PTPRD: variants seen among roughly 807,000 people sequenced by gnomAD.
PTPRD encodes the protein protein tyrosine phosphatase receptor type D.
A neutral mutation model predicts 214.5 loss-of-function variants in PTPRD; 34 were observed. The observed-to-expected ratio is 0.16, with a 90% confidence interval of 0.12 to 0.21. The LOEUF (loss-of-function observed/expected upper bound fraction) is 0.21. PTPRD is among the 10% of genes least tolerant of loss of function. The pLI is 1.00. For missense variants in PTPRD, 2,545 were observed against 2,398.7 expected (o/e 1.06, Z -1.27); for synonymous variants, 1,128 against 845.7 (o/e 1.33, Z -5.79).
chr9:10,346,069 A>G (rs1252624528), intron 2 of PTPRD, among the ~76,000 whole-genome samples: 1 of 152,206 alleles, frequency 6.6e-6, no homozygotes, highest in Non-Finnish European at 1.5e-5. Context: ...ATGGAATTTA[A>G]GCAATTATAT....
Position 9,804,751 on chromosome 9 carries a change from G to T in PTPRD, c.-367-37900C>A, listed in dbSNP as rs185994694. Among the ~76,000 whole-genome samples, 2 of 151,776 alleles carry T rather than the reference G, an allele frequency of 1.3e-5. 1 individual carries two copies. The highest frequency in any genetic ancestry group is 2.9e-5 in the Non-Finnish European group (2 of 67,928). On this transcript the variant is annotated intron_variant, in intron 5 of 45. Transcript: ENST00000381196. ...TTTAGCATACCATGCACTTGGTAGAGATATGAGGTGTGCTTTTTATATATA... is the reference window on the plus strand; with the variant it reads ...TTTAGCATACCATGCACTTGGTAGATATATGAGGTGTGCTTTTTATATATA...
At chr9:9,399,606 A>G (rs1258487874) in intron 8 of PTPRD, among the ~76,000 whole-genome samples, 1 of 151,954 alleles carries the variant, frequency 6.6e-6, no homozygotes, top group East Asian at 1.9e-4. Context: ...ATTCCCACAT[A>G]TTGTGGTAGA....
intron 14 of PTPRD, among the ~76,000 whole-genome samples, chr9:8,613,457 T>A (rs959484278): frequency 2.6e-5 from 4 of 152,184 alleles, no homozygotes; most frequent in African/African-American, 9.7e-5. Context: ...GCTACTGACT[T>A]ATTTTTTTTA....
chr9:9,086,892 A>G (rs1340362254), intron 10 of PTPRD, among the ~76,000 whole-genome samples: 1 of 152,188 alleles, frequency 6.6e-6, no homozygotes, highest in East Asian at 1.9e-4. Flanking sequence ...AAGGAATGAT[A>G]GTGTGTAGGT....
At chr9:9,011,976 A>G (rs2099513656) in intron 11 of PTPRD, among the ~76,000 whole-genome samples, 2 of 152,166 alleles carry the variant, frequency 1.3e-5, no homozygotes, top group African/African-American at 4.8e-5. Flanking sequence ...TACTCTCTTG[A>G]TTATGAATCA....
At chr9:9,409,009 ACTTT>A (rs974286484) in intron 8 of PTPRD, among the ~76,000 whole-genome samples, 27 of 151,990 alleles carry the variant, frequency 1.8e-4, no homozygotes, top group Admixed American at 4.6e-4. Flanking sequence ...AAGAGACTGA[ACTTT>A]CTTTCATCAA....
intron 7 of PTPRD, among the ~76,000 whole-genome samples, chr9:9,707,467 G>T (rs998624049): frequency 6.6e-6 from 1 of 152,016 alleles, no homozygotes; most frequent in Non-Finnish European, 1.5e-5. Flanking sequence ...ATTGAAAATG[G>T]CATTTGATGT....
chr9:10,589,762 A>G (rs1251467179), intron 2 of PTPRD, among the ~76,000 whole-genome samples: 1 of 152,056 alleles, frequency 6.6e-6, no homozygotes, highest in African/African-American at 2.4e-5. Flanking sequence ...TAGAATCAGG[A>G]TAAGAGGAAA....
At chr9:10,353,220 A>G (rs2097211721) in intron 2 of PTPRD, among the ~76,000 whole-genome samples, 1 of 151,960 alleles carries the variant, frequency 6.6e-6, no homozygotes, top group Admixed American at 6.6e-5. Flanking sequence ...TTCAGAGGTG[A>G]AGTTGTGGTC....
intron 2 of PTPRD, among the ~76,000 whole-genome samples, chr9:10,545,408 G>T (rs556413127): frequency 3.3e-5 from 5 of 152,066 alleles, no homozygotes; most frequent in Admixed American, 6.6e-5. Context: ...CTTTTGAAAA[G>T]GGCTATTTAC....
At chr9:8,469,495 C>G (rs115949315) in intron 31 of PTPRD, among the ~76,000 whole-genome samples, 1 of 151,830 alleles carries the variant, frequency 6.6e-6, no homozygotes, top group Non-Finnish European at 1.5e-5. Context: ...CAGCTGAGAA[C>G]CAATTAAAAT....
intron 11 of PTPRD, among the ~76,000 whole-genome samples, chr9:9,007,332 G>A (rs1430628015): frequency 6.8e-6 from 1 of 148,118 alleles, no homozygotes; most frequent in Non-Finnish European, 1.5e-5. Flanking sequence ...CCCAAAGATG[G>A]CTAAGGGTGA....
chr9:8,940,292 T>TTTTTTG (rs2099024618), intron 11 of PTPRD, among the ~76,000 whole-genome samples: 1 of 130,940 alleles, frequency 7.6e-6, no homozygotes. Context: ...TTTTTTTTTT[T>TTTTTTG]TTTTTTTTGA....
At chr9:10,431,708 G>C (rs2098680892) in intron 2 of PTPRD, among the ~76,000 whole-genome samples, 1 of 152,156 alleles carries the variant, frequency 6.6e-6, no homozygotes, top group South Asian at 2.1e-4. Flanking sequence ...CTGGCCATCA[G>C]AGAAATGCAA....
intron 34 of PTPRD, among the ~76,000 whole-genome samples, chr9:8,440,182 A>C (rs1033187231): frequency 6.6e-6 from 1 of 151,870 alleles, no homozygotes; most frequent in Non-Finnish European, 1.5e-5. Flanking sequence ...AATCCTCTCT[A>C]ACACCCCATT....
chr9:9,906,527 T>C (rs1001741587), intron 5 of PTPRD, among the ~76,000 whole-genome samples: 14 of 152,056 alleles, frequency 9.2e-5, no homozygotes, highest in Admixed American at 7.9e-4. Flanking sequence ...ACATTGGTCA[T>C]CCAAAATAAA....
chr9:8,794,398 T>C (rs2154513778), intron 11 of PTPRD, among the ~76,000 whole-genome samples: 1 of 152,166 alleles, frequency 6.6e-6, no homozygotes, highest in Non-Finnish European at 1.5e-5. Context: ...GTGTAGAAAA[T>C]CATCTTTTAT....
intron 11 of PTPRD, among the ~76,000 whole-genome samples, chr9:8,998,921 T>A (rs1408817760): frequency 6.6e-6 from 1 of 152,048 alleles, no homozygotes; most frequent in African/African-American, 2.4e-5. Context: ...ACTGCAGATG[T>A]GGTGAAAACA....
At chr9:10,152,696 A>C (rs958705695) in intron 3 of PTPRD, among the ~76,000 whole-genome samples, 1 of 152,092 alleles carries the variant, frequency 6.6e-6, no homozygotes, top group Non-Finnish European at 1.5e-5. Context: ...GTGGTGGCAC[A>C]CGCCTGTAAT....
Sources: allele counts gnomAD v4.1 joint callset (sites outside exome capture counted in the v4.1 genomes callset), GRCh38; gene constraint gnomAD v4.1.1; transcripts MANE v1.5; gene names NCBI Gene and HGNC (gene_info 2026-07-23, HGNC 2026-07-21).